Variants in KCND2 observed in about 807,000 individuals in gnomAD.
KCND2 encodes the protein A-type voltage-gated potassium channel KCND2.
A neutral mutation model predicts 54.4 loss-of-function variants in KCND2; 16 were observed. The observed-to-expected ratio is 0.29, with a 90% CI of 0.20 to 0.45. The LOEUF is 0.45. KCND2 is among the 20% of genes least tolerant of loss of function. The pLI is 1.00. For synonymous variants in KCND2, 317 were observed against 310.7 expected, an observed-to-expected ratio of 1.02 and a Z score of -0.21; for missense variants, 486 against 824.2, an observed-to-expected ratio of 0.59 and a Z score of 5.02.
intron 1 of KCND2, among the ~76,000 whole-genome samples, chr7:120,647,292 A>G (rs1429764010): frequency 6.6e-6 from 1 of 152,202 alleles, no homozygotes; most frequent in African/African-American, 2.4e-5. Flanking sequence ...GGCAGCCCTG[A>G]CTGCCCTTGA....
intron 1 of KCND2, among the ~76,000 whole-genome samples, chr7:120,404,115 C>G (rs1801313615): frequency 6.6e-6 from 1 of 152,050 alleles, no homozygotes; most frequent in African/African-American, 2.4e-5. Flanking sequence ...CTAATAATGA[C>G]ATTCTGTTTT....
rs186435307 is a variant in KCND2, at chr7:120,611,890, G to T, written c.1116-121013G>T. Reference sequence around the variant, plus strand: ...GGATGTTTCATAGGAAGAAATCTTTGGCTCATGGTGTTTAGACTCCACGGG... The same window carrying T: ...GGATGTTTCATAGGAAGAAATCTTTTGCTCATGGTGTTTAGACTCCACGGG... On this transcript the variant is annotated intron_variant, in intron 1 of 5. Coordinates refer to ENST00000331113, the MANE Select transcript of KCND2 (RefSeq NM_012281.3). 7.2e-5 allele frequency among the ~76,000 whole-genome samples: 11 copies of T among 152,236 alleles called. No homozygotes were observed. In the East Asian group the frequency reaches 1.5e-3, roughly 21 times the overall value.
chr7:120,505,391 G>T (rs1366964715), intron 1 of KCND2, among the ~76,000 whole-genome samples: 1 of 151,718 alleles, frequency 6.6e-6, no homozygotes, highest in Non-Finnish European at 1.5e-5. Flanking sequence ...AAAGCATTCA[G>T]TTGCAAATGA....
chr7:120,281,487 T>C (rs901480549), intron 1 of KCND2, among the ~76,000 whole-genome samples: 4 of 151,778 alleles, frequency 2.6e-5, no homozygotes, highest in African/African-American at 9.7e-5. Flanking sequence ...CACTGCTCTT[T>C]GAATGTTTTG....
chr7:120,344,137 T>C (rs1409928362), intron 1 of KCND2, among the ~76,000 whole-genome samples: 1 of 152,176 alleles, frequency 6.6e-6, no homozygotes, highest in African/African-American at 2.4e-5. Context: ...AGTGTGTATA[T>C]TGTACATAGA....
intron 1 of KCND2, among the ~76,000 whole-genome samples, chr7:120,328,150 A>G (rs979535942): frequency 2.6e-5 from 4 of 152,128 alleles, no homozygotes; most frequent in African/African-American, 9.7e-5. Context: ...GGTATTGTTC[A>G]ATAGCTCAGT....
At chr7:120,440,360 T>C (rs1300177805) in intron 1 of KCND2, among the ~76,000 whole-genome samples, 1 of 152,096 alleles carries the variant, frequency 6.6e-6, no homozygotes, top group Non-Finnish European at 1.5e-5. Context: ...ATTGAGTTTT[T>C]TGAGTTCCTT....
intron 1 of KCND2, among the ~76,000 whole-genome samples, chr7:120,426,584 C>CT (rs1563042450): frequency 3.2e-5 from 4 of 123,738 alleles, no homozygotes; most frequent in Admixed American, 1.7e-4. Context: ...TGGGGTTTTT[C>CT]TTTGTTTTTT....
At chr7:120,730,964 C>CGAG (rs1482438470) in intron 1 of KCND2, among the ~76,000 whole-genome samples, 1 of 152,200 alleles carries the variant, frequency 6.6e-6, no homozygotes, top group Non-Finnish European at 1.5e-5. Flanking sequence ...CCCTGTCTCT[C>CGAG]AGGACTACAC....
chr7:120,543,201 C>A (rs1792002928), intron 1 of KCND2, among the ~76,000 whole-genome samples: 1 of 151,918 alleles, frequency 6.6e-6, no homozygotes. Context: ...CTCTGATATG[C>A]CAACATCAGT....
At chr7:120,460,261 A>G (rs1457540660) in intron 1 of KCND2, among the ~76,000 whole-genome samples, 1 of 152,186 alleles carries the variant, frequency 6.6e-6, no homozygotes, top group Non-Finnish European at 1.5e-5. Flanking sequence ...AATGTAATTT[A>G]ATTCAAACAA....
chr7:120,591,879 T>C (rs1284038844), intron 1 of KCND2, among the ~76,000 whole-genome samples: 2 of 152,230 alleles, frequency 1.3e-5, no homozygotes, highest in Non-Finnish European at 2.9e-5. Context: ...TAATAGATGT[T>C]ACAAATCAAA....
At chr7:120,612,548 A>G (rs1293167846) in intron 1 of KCND2, among the ~76,000 whole-genome samples, 2 of 152,196 alleles carry the variant, frequency 1.3e-5, no homozygotes, top group Admixed American at 1.3e-4. Flanking sequence ...ACTTTGTTGT[A>G]TTATTTTTCA....
intron 1 of KCND2, among the ~76,000 whole-genome samples, chr7:120,395,152 ACATAACTGTTTTGTGTCTTTT>A (rs1290020313): frequency 6.6e-6 from 1 of 152,068 alleles, no homozygotes; most frequent in Non-Finnish European, 1.5e-5. Context: ...TTCTTCAATA[ACATAACTGTTTTGTGTCTTTT>A]CAAAATCGTC....
At chr7:120,550,554 G>C (rs1280080441) in intron 1 of KCND2, among the ~76,000 whole-genome samples, 1 of 152,162 alleles carries the variant, frequency 6.6e-6, no homozygotes, top group Non-Finnish European at 1.5e-5. Context: ...AATAGTGCTT[G>C]ATGTTATTTG....
intron 1 of KCND2, among the ~76,000 whole-genome samples, chr7:120,411,219 A>G (rs937593265): frequency 4.2e-4 from 64 of 151,962 alleles, no homozygotes; most frequent in Non-Finnish European, 3.2e-4. Flanking sequence ...AGATGCTACC[A>G]TAAGTGGTGT....
chr7:120,274,572 G>T lies in KCND2; in HGVS notation c.-61G>T. The T allele has an allele frequency of 6.2e-7, 1 of 1,605,996 alleles. No individual in the cohort carries two copies. Among genetic ancestry groups the T allele is most frequent in the Non-Finnish European group, 8.5e-7 (1 of 1,173,126 alleles). On this transcript the variant is annotated 5_prime_UTR_variant, in exon 1 of 6. Transcript: ENST00000331113. ...GACTGGAGGAAGTGGGTGACTTTTGGCTGCTTCGGTGACCCATTGTAGACG... is the reference window on the plus strand; with the variant it reads ...GACTGGAGGAAGTGGGTGACTTTTGTCTGCTTCGGTGACCCATTGTAGACG...
chr7:120,315,212 C>T (rs1158503072), intron 1 of KCND2, among the ~76,000 whole-genome samples: 2 of 152,132 alleles, frequency 1.3e-5, no homozygotes. Context: ...CTGTCTTCCA[C>T]GTTCCCCACC....
Position 120,585,224 on chromosome 7 carries a change from A to C in KCND2, c.1116-147679A>C, listed in dbSNP as rs1423507934. 2.6e-5 allele frequency among the ~76,000 whole-genome samples: 4 copies of C among 152,140 alleles called. No individual in the cohort carries two copies. The South Asian group carries it at 8.3e-4, about 32-fold the overall frequency. On this transcript the variant is annotated intron_variant, in intron 1 of 5. Coordinates refer to ENST00000331113, the MANE Select transcript of KCND2 (RefSeq NM_012281.3). Reference sequence around the variant, plus strand: ...ATCTCCTGGGAAATATTATATCACAAAACTCACCTCTGTGAACAAATGTCT... The same window carrying C: ...ATCTCCTGGGAAATATTATATCACACAACTCACCTCTGTGAACAAATGTCT...
Sources: gnomAD v4.1 joint callset for allele counts (sites outside exome capture counted in the v4.1 genomes callset) on GRCh38, gnomAD v4.1.1 for gene constraint, MANE v1.5 for transcripts, NCBI Gene and HGNC (gene_info 2026-07-23, HGNC 2026-07-21) for gene names.